Variants in CHN1 observed in about 807,000 individuals in gnomAD.
CHN1 encodes the protein N-chimaerin.
Under a neutral mutation model 59.5 loss-of-function variants are expected in CHN1, and 37 were observed. The ratio of observed to expected loss-of-function variants is 0.62; its 90% CI spans 0.48 to 0.82. The LOEUF (loss-of-function observed/expected upper bound fraction) is 0.82. Among genes scored for constraint, CHN1 ranks in the 40% least tolerant of loss-of-function variants. The probability of loss-of-function intolerance (pLI) is 0.00; values close to 1 mark genes in which losing one functional copy is unlikely to be tolerated. For missense variants in CHN1, 469 were observed against 571.0 expected (o/e 0.82, Z 1.82); for synonymous variants, 206 against 200.4 (o/e 1.03, Z -0.24).
rs542173925 is a variant in CHN1 at position 174,933,159 on chromosome 2, T to C, written c.114+11729A>G. Among the ~76,000 whole-genome samples the C allele has an allele frequency of 2.0e-4, 30 of 152,120 alleles. 1 individual carries two copies. The East Asian group carries it at 5.4e-3, about 27-fold the overall frequency. On this transcript the variant is annotated intron_variant, in intron 3 of 12. Coordinates refer to ENST00000409900, the MANE Select transcript of CHN1 (RefSeq NM_001822.7). The stretch of plus-strand genomic sequence containing the variant: ...TAGACATATGAGAGGGGATGTAGAG[T>C]AGGAAACTGGATATATATGTGTGTA...
chr2:174,906,652 C>T (rs1688552366), intron 5 of CHN1, among the ~76,000 whole-genome samples: 1 of 131,732 alleles, frequency 7.6e-6, no homozygotes. Context: ...GCCATGCTTG[C>T]AAACAGAGTA....
chr2:174,893,937 T>A (rs966845683), intron 5 of CHN1, among the ~76,000 whole-genome samples: 1 of 152,122 alleles, frequency 6.6e-6, no homozygotes, highest in Admixed American at 6.5e-5. Context: ...AAAGGAATCA[T>A]CTGTATACAC....
At chr2:174,872,407 T>A (rs914039888) in intron 6 of CHN1, among the ~76,000 whole-genome samples, 15 of 152,180 alleles carry the variant, frequency 9.9e-5, no homozygotes, top group African/African-American at 3.6e-4. Context: ...ATCTGAAAGA[T>A]CTTAATGGGC....
At chr2:174,852,455 C>T (rs1287260573) in intron 6 of CHN1, among the ~76,000 whole-genome samples, 1 of 152,104 alleles carries the variant, frequency 6.6e-6, no homozygotes, top group African/African-American at 2.4e-5. Flanking sequence ...GGAAAAATAT[C>T]ACATGCTCAT....
chr2:174,826,517 A>G (rs1685684874), intron 7 of CHN1, among the ~76,000 whole-genome samples: 1 of 152,228 alleles, frequency 6.6e-6, no homozygotes, highest in African/African-American at 2.4e-5. Context: ...GTGACTAAAG[A>G]TGCAATGAAA....
At chr2:174,956,166 A>T (rs1690197508) in intron 1 of CHN1, among the ~76,000 whole-genome samples, 1 of 152,222 alleles carries the variant, frequency 6.6e-6, no homozygotes, top group South Asian at 2.1e-4. Flanking sequence ...AGAAACCATA[A>T]AAGCATTGAG....
At chr2:174,823,664 G>C in intron 8 of CHN1, among the ~76,000 whole-genome samples, 1 of 132,572 alleles carries the variant, frequency 7.5e-6, no homozygotes, top group Admixed American at 7.6e-5. Flanking sequence ...CTCTGTCTCA[G>C]AAAAAAAAAA....
At chr2:174,925,476 T>C (rs144297216) in intron 3 of CHN1, among the ~76,000 whole-genome samples, 85 of 152,370 alleles carry the variant, frequency 5.6e-4, no homozygotes, top group African/African-American at 2.0e-3. Flanking sequence ...TTTCCATTCA[T>C]ATAGCCAGGC....
At chr2:174,816,691 T>C (rs903486811) in intron 8 of CHN1, among the ~76,000 whole-genome samples, 2 of 152,230 alleles carry the variant, frequency 1.3e-5, no homozygotes, top group Non-Finnish European at 2.9e-5. Context: ...CTTCCAACTT[T>C]TCAGAGTCTT....
chr2:174,906,885 C>T (rs983658410), intron 5 of CHN1, among the ~76,000 whole-genome samples: 22 of 152,040 alleles, frequency 1.4e-4, no homozygotes, highest in African/African-American at 4.3e-4. Context: ...TGATCAAAAA[C>T]GGGTGTCTTT....
intron 8 of CHN1, among the ~76,000 whole-genome samples, chr2:174,814,626 G>C (rs985944815): frequency 3.3e-5 from 5 of 152,116 alleles, no homozygotes; most frequent in Non-Finnish European, 7.4e-5. Context: ...TGTTAATATA[G>C]GTAAAATGCA....
chr2:174,994,088 A>C (rs950927180), intron 1 of CHN1, among the ~76,000 whole-genome samples: 2 of 152,246 alleles, frequency 1.3e-5, no homozygotes, highest in African/African-American at 4.8e-5. Flanking sequence ...ATTTATGTAC[A>C]ATCCCTTTGT....
chr2:174,845,970 A>G (rs191559940), intron 7 of CHN1, among the ~76,000 whole-genome samples: 1 of 152,296 alleles, frequency 6.6e-6, no homozygotes, highest in East Asian at 1.9e-4. Flanking sequence ...TTGAAACCAA[A>G]TTATTCCCTT....
At chr2:174,836,520 T>C (rs1186381516) in intron 7 of CHN1, among the ~76,000 whole-genome samples, 1 of 152,190 alleles carries the variant, frequency 6.6e-6, no homozygotes, top group African/African-American at 2.4e-5. Context: ...TCTTTTGTCA[T>C]CCATGTTTCA....
chr2:174,844,680 C>T (rs1243843526), intron 7 of CHN1, among the ~76,000 whole-genome samples: 1 of 152,138 alleles, frequency 6.6e-6, no homozygotes, highest in African/African-American at 2.4e-5. Context: ...ACTGCACCTG[C>T]CACAGAGTCT....
At chr2:174,942,824 T>G (rs1313123526) in intron 3 of CHN1, among the ~76,000 whole-genome samples, 1 of 152,042 alleles carries the variant, frequency 6.6e-6, no homozygotes, top group African/African-American at 2.4e-5. Context: ...CCACGGTGGG[T>G]GGATCCCTTG....
At chr2:174,905,105 A>G (rs895475227) in intron 5 of CHN1, among the ~76,000 whole-genome samples, 1 of 152,208 alleles carries the variant, frequency 6.6e-6, no homozygotes, top group African/African-American at 2.4e-5. Flanking sequence ...TATTTATAAA[A>G]CTGTTAAGTC....
At chr2:174,844,279 A>G (rs1035857976) in intron 7 of CHN1, among the ~76,000 whole-genome samples, 3 of 151,788 alleles carry the variant, frequency 2.0e-5, no homozygotes, top group African/African-American at 7.3e-5. Flanking sequence ...AAAACCCCAA[A>G]CCCCAAAAAC....
intron 5 of CHN1, among the ~76,000 whole-genome samples, chr2:174,900,369 T>C (rs1688348758): frequency 6.6e-6 from 1 of 151,986 alleles, no homozygotes; most frequent in Non-Finnish European, 1.5e-5. Flanking sequence ...CCAGGTGCGG[T>C]GATATGTGCC....
Sources: allele counts gnomAD v4.1 joint callset (sites outside exome capture counted in the v4.1 genomes callset), GRCh38; gene constraint gnomAD v4.1.1; transcripts MANE v1.5; gene names NCBI Gene and HGNC (gene_info 2026-07-23, HGNC 2026-07-21).